Variants in SAMD3 observed in about 807,000 individuals in gnomAD.
SAMD3 encodes sterile alpha motif domain containing 3.
In SAMD3, 63 loss-of-function variants were observed where a neutral mutation model predicts 58.5. The ratio of observed to expected loss-of-function variants is 1.08; its 90% CI spans 0.88 to 1.33. The LOEUF is 1.33. SAMD3 is among the 40% of genes most tolerant of loss of function. The pLI is 0.00. For synonymous variants in SAMD3, 220 were observed against 210.3 expected (o/e 1.05, Z -0.40); for missense variants, 604 against 608.4 (o/e 0.99, Z 0.08).
At chr6:130,179,448 C>T (rs1186357808) in intron 7 of SAMD3, among the ~76,000 whole-genome samples, 4 of 152,042 alleles carry the variant, frequency 2.6e-5, no homozygotes, top group Admixed American at 2.0e-4. Context: ...AATTGCAGAC[C>T]TCCTGTTGTG....
rs72618515 is a variant in SAMD3 at position 130,207,864 on chromosome 6, C to T, written c.383+1631G>A. Among the ~76,000 whole-genome samples, 487 of 152,218 alleles carry T rather than the reference C, an allele frequency of 3.2e-3. 10 individuals carry two copies. The East Asian group carries it at 0.059, about 18-fold the overall frequency. ...CAAGGTTGAAGAGAGGGAAAAAGAG[C>T]GGAGAGGAGAGCCCAGAGCCAAAGC... On this transcript the variant is annotated intron_variant, in intron 5 of 11. Coordinates refer to ENST00000439090, the MANE Select transcript of SAMD3 (RefSeq NM_001017373.4).
chr6:130,333,671 G>A (rs1429811834), intron 1 of SAMD3, among the ~76,000 whole-genome samples: 1 of 152,180 alleles, frequency 6.6e-6, no homozygotes, highest in Non-Finnish European at 1.5e-5. Flanking sequence ...TATAAAATCT[G>A]ATATAAGCTC....
chr6:130,334,738 C>A (rs934718351), intron 1 of SAMD3, among the ~76,000 whole-genome samples: 1 of 152,140 alleles, frequency 6.6e-6, no homozygotes, highest in Non-Finnish European at 1.5e-5. Flanking sequence ...TGGTTTCTTC[C>A]CCCTTACTCA....
At chr6:130,155,293 TTA>T (rs1199739831) in intron 8 of SAMD3, among the ~76,000 whole-genome samples, 5 of 152,218 alleles carry the variant, frequency 3.3e-5, no homozygotes, top group Non-Finnish European at 7.3e-5. Context: ...TAGAGACAGA[TTA>T]TCCAGAAGGT....
chr6:130,278,552 C>A (rs1482124123), intron 2 of SAMD3, among the ~76,000 whole-genome samples: 1 of 152,058 alleles, frequency 6.6e-6, no homozygotes, highest in Non-Finnish European at 1.5e-5. Context: ...TGTTTTCCTA[C>A]AAATTATGGC....
chr6:130,231,508 G>A (rs918290311), intron 2 of SAMD3, among the ~76,000 whole-genome samples: 1 of 152,020 alleles, frequency 6.6e-6, no homozygotes, highest in African/African-American at 2.4e-5. Flanking sequence ...AGGTTGCCGT[G>A]AGCCAAGATC....
At chr6:130,305,802 C>T (rs1185738926) in intron 2 of SAMD3, among the ~76,000 whole-genome samples, 1 of 152,186 alleles carries the variant, frequency 6.6e-6, no homozygotes, top group Non-Finnish European at 1.5e-5. Flanking sequence ...GCTAATATTG[C>T]TAATGCTAAT....
At chr6:130,162,354 C>T (rs947342121) in intron 8 of SAMD3, 24 of 689,618 alleles carry the variant, frequency 3.5e-5, no homozygotes, top group Middle Eastern at 2.5e-4. Context: ...AGTAGTAAGA[C>T]GGCATGGTTA....
chr6:130,219,238 A>C (rs72618516), intron 1 of SAMD3, among the ~76,000 whole-genome samples: 5,380 of 152,342 alleles, frequency 0.035, 118 homozygotes, highest in South Asian at 0.079. Context: ...GCTAGCAGAC[A>C]GCAAACAGGT....
At chr6:130,250,881 G>A (rs1773715245) in intron 2 of SAMD3, among the ~76,000 whole-genome samples, 1 of 152,188 alleles carries the variant, frequency 6.6e-6, no homozygotes, top group East Asian at 1.9e-4. Flanking sequence ...GGGCTCTTAT[G>A]AATACTGCTG....
At chr6:130,182,299 G>A (rs1792427307) in intron 7 of SAMD3, among the ~76,000 whole-genome samples, 1 of 151,780 alleles carries the variant, frequency 6.6e-6, no homozygotes, top group Non-Finnish European at 1.5e-5. Flanking sequence ...TTCTTCTGTA[G>A]TGCACTTTAT....
At chr6:130,359,232 C>T (rs1186297029) in intron 1 of SAMD3, among the ~76,000 whole-genome samples, 1 of 152,074 alleles carries the variant, frequency 6.6e-6, no homozygotes. Context: ...ATACTAAAAT[C>T]CACTGATTTT....
intron 5 of SAMD3, among the ~76,000 whole-genome samples, chr6:130,190,012 C>G (rs1170485948): frequency 6.6e-6 from 1 of 152,064 alleles, no homozygotes; most frequent in African/African-American, 2.4e-5. Context: ...TTCGGGCAAC[C>G]CATTATGTGG....
chr6:130,332,181 G>A (rs532772680), intron 1 of SAMD3, among the ~76,000 whole-genome samples: 5 of 152,240 alleles, frequency 3.3e-5, no homozygotes, highest in African/African-American at 1.2e-4. Flanking sequence ...AACATGAAAG[G>A]GAAAGTTATG....
chr6:130,166,182 G>A (rs999712594), intron 8 of SAMD3, among the ~76,000 whole-genome samples: 3 of 152,140 alleles, frequency 2.0e-5, no homozygotes, highest in Non-Finnish European at 4.4e-5. Flanking sequence ...TGCTACAAGG[G>A]GGTCCTGGGG....
chr6:130,346,758 T>C (rs987481581), intron 1 of SAMD3, among the ~76,000 whole-genome samples: 3 of 152,154 alleles, frequency 2.0e-5, no homozygotes, highest in Non-Finnish European at 4.4e-5. Context: ...CAGCTGGAGA[T>C]CTGAGAACGG....
At position 130,206,539 on chromosome 6, in the gene SAMD3, C is replaced by T. The variant is rs553297950; in HGVS notation, c.383+2956G>A. On this transcript the variant is annotated intron_variant, in intron 5 of 11. Coordinates refer to ENST00000439090, the MANE Select transcript of SAMD3 (RefSeq NM_001017373.4). ...TGGGAAATGCTTTTCTCACAATAAA[C>T]TCCCTTTGTCTTTACTGTGAGTGGA... is the stretch of plus-strand genomic sequence containing the variant. Among the ~76,000 whole-genome samples the T allele has an allele frequency of 3.3e-5, 5 of 152,220 alleles. No individual in the cohort carries two copies. In the South Asian group the frequency reaches 1.0e-3, roughly 31 times the overall value.
At chr6:130,250,412 A>G (rs531088417) in intron 2 of SAMD3, among the ~76,000 whole-genome samples, 1 of 152,218 alleles carries the variant, frequency 6.6e-6, no homozygotes, top group East Asian at 1.9e-4. Context: ...AGTCTCCCCC[A>G]TTTTATATGT....
intron 2 of SAMD3, among the ~76,000 whole-genome samples, chr6:130,258,387 T>C (rs1232040655): frequency 6.6e-6 from 1 of 152,190 alleles, no homozygotes; most frequent in Non-Finnish European, 1.5e-5. Context: ...TATGTAATTA[T>C]TGATAGGGAT....
Sources: gnomAD v4.1 joint callset for allele counts (sites outside exome capture counted in the v4.1 genomes callset) on GRCh38, gnomAD v4.1.1 for gene constraint, MANE v1.5 for transcripts, NCBI Gene and HGNC (gene_info 2026-07-23, HGNC 2026-07-21) for gene names.